The following TANK variants were observed in gnomAD, a reference collection of about 807,000 sequenced individuals.
TANK encodes TRAF family member associated NFKB activator, also known as TRAF family member-associated NF-kappa-B activator.
Under a neutral mutation model 43.6 loss-of-function variants are expected in TANK, and 15 were observed. That is an observed-to-expected ratio of 0.34 (90% confidence interval 0.23 to 0.53). TANK has a LOEUF of 0.53. TANK is among the 20% of genes least tolerant of loss of function. The pLI is 0.94. For synonymous variants in TANK, 162 were observed against 178.2 expected (o/e 0.91, Z 0.73); for missense variants, 417 against 498.6 (o/e 0.84, Z 1.56).
At chr2:161,209,959 G>A (rs1686806472) in intron 4 of TANK, among the ~76,000 whole-genome samples, 1 of 152,050 alleles carries the variant, frequency 6.6e-6, no homozygotes, top group Non-Finnish European at 1.5e-5. Context: ...GAGTTTATGT[G>A]TTCTCATGTC....
upstream of TANK, chr2:161,156,324 C>T: frequency 1.0e-6 from 1 of 985,388 alleles, no homozygotes; most frequent in Non-Finnish European, 1.2e-6. Flanking sequence ...TTTGCCATTG[C>T]ATGTTGTTCT....
chr2:161,170,935 A>G (rs1204712092), intron 1 of TANK, among the ~76,000 whole-genome samples: 9 of 152,244 alleles, frequency 5.9e-5, no homozygotes, highest in Non-Finnish European at 1.5e-5. Context: ...AGAAATTAGT[A>G]CATTTTACAC....
chr2:161,215,547 A>G (rs1210892510), intron 4 of TANK, among the ~76,000 whole-genome samples: 1 of 152,178 alleles, frequency 6.6e-6, no homozygotes, highest in East Asian at 1.9e-4. Context: ...CCCTAGGACT[A>G]TGAAGTGCTG....
intron 2 of TANK, among the ~76,000 whole-genome samples, chr2:161,194,488 C>A (rs933233743): frequency 6.6e-6 from 1 of 151,976 alleles, no homozygotes; most frequent in African/African-American, 2.4e-5. Context: ...ATTTGCTAAG[C>A]AAAGAGTCTT....
intron 7 of TANK, among the ~76,000 whole-genome samples, chr2:161,231,924 TATTC>T (rs773874285): frequency 2.6e-5 from 4 of 152,240 alleles, no homozygotes; most frequent in African/African-American, 4.8e-5. Context: ...GTGTATATCA[TATTC>T]ATCTTTATAA....
chr2:161,162,223 T>C (rs888336636), intron 1 of TANK, among the ~76,000 whole-genome samples: 21 of 152,144 alleles, frequency 1.4e-4, no homozygotes, highest in Non-Finnish European at 1.5e-4. Flanking sequence ...CAATCTGCTT[T>C]GATATTACGT....
intron 1 of TANK, among the ~76,000 whole-genome samples, chr2:161,176,285 A>G (rs1685170817): frequency 6.6e-6 from 1 of 152,198 alleles, no homozygotes; most frequent in Non-Finnish European, 1.5e-5. Context: ...CAGTTTAATT[A>G]GCTGAGTCCC....
intron 4 of TANK, among the ~76,000 whole-genome samples, chr2:161,218,042 A>C (rs1181776953): frequency 6.6e-6 from 1 of 152,178 alleles, no homozygotes; most frequent in East Asian, 1.9e-4. Context: ...AAATTTTGTC[A>C]AAGAAAATAC....
chr2:161,169,002 G>A (rs1432547565), intron 1 of TANK, among the ~76,000 whole-genome samples: 1 of 152,222 alleles, frequency 6.6e-6, no homozygotes, highest in African/African-American at 2.4e-5. Context: ...GTTATGCAAA[G>A]CCTCAAAAAA....
rs758062934 is a variant in TANK, at chr2:161,204,839, G to C, written c.327+46G>C. ...AAGCAGCATTTAAATGCTGATGCGT[G>C]ACATAGCTTCCTCATTTTATTTTTC... On this transcript the variant is annotated intron_variant, in intron 4 of 7. Coordinates refer to ENST00000392749, the MANE Select transcript of TANK (RefSeq NM_001199135.3). The C allele has an allele frequency of 3.2e-6, 5 of 1,586,766 alleles. No individual in the cohort carries two copies. The South Asian group carries it at 5.8e-5, about 18-fold the overall frequency.
chr2:161,203,456 A>C, intron 2 of TANK, 31 bp from the exon 3 acceptor site: 1 of 1,443,450 alleles, frequency 6.9e-7, no homozygotes, highest in Non-Finnish European at 9.7e-7. Flanking sequence ...CTATCAGTGA[A>C]TATCAGGCTA....
intron 1 of TANK, among the ~76,000 whole-genome samples, chr2:161,170,464 A>G (rs1388525791): frequency 2.6e-5 from 4 of 152,216 alleles, no homozygotes; most frequent in Non-Finnish European, 5.9e-5. Context: ...CTTCTTGTAG[A>G]ATAATTAAAA....
At chr2:161,185,502 T>A (rs1469033724) in intron 2 of TANK, among the ~76,000 whole-genome samples, 1 of 151,636 alleles carries the variant, frequency 6.6e-6, no homozygotes, top group Admixed American at 6.6e-5. Context: ...TTTTCTTTTT[T>A]TGGATGAATG....
chr2:161,233,301 G>A (rs1043975932), intron 7 of TANK, among the ~76,000 whole-genome samples: 8 of 152,160 alleles, frequency 5.3e-5, no homozygotes, highest in Non-Finnish European at 1.2e-4. Flanking sequence ...GGAAGCTGAG[G>A]TGGGAGGATT....
chr2:161,146,430 GT>G (rs921912345), intron 1 of TANK, among the ~76,000 whole-genome samples: 1 of 152,098 alleles, frequency 6.6e-6, no homozygotes, highest in African/African-American at 2.4e-5. Context: ...GAGTTTTTTT[GT>G]TCTTTCTCAT....
chr2:161,177,771 A>G lies in TANK; in HGVS notation c.-49-1843A>G, dbSNP rs188540349. On this transcript the variant is annotated intron_variant, in intron 1 of 7. Transcript: ENST00000392749. Reference sequence around the variant, plus strand: ...GAATGGGAGAAAATACTTACAAATCATATATTGGATAAGAGTCTAGTTTCT... The same window carrying G: ...GAATGGGAGAAAATACTTACAAATCGTATATTGGATAAGAGTCTAGTTTCT... 8.5e-4 allele frequency among the ~76,000 whole-genome samples: 130 copies of G among 152,246 alleles called. 2 individuals carry two copies. The highest frequency in any genetic ancestry group is 2.9e-3 in the African/African-American group (119 of 41,570).
intron 6 of TANK, among the ~76,000 whole-genome samples, chr2:161,229,854 T>C (rs1206047173): frequency 3.3e-5 from 5 of 152,216 alleles, no homozygotes; most frequent in Admixed American, 3.3e-4. Flanking sequence ...ATTACCAACT[T>C]CAGTGCCTTC....
At chr2:161,232,094 T>A (rs1425148250) in intron 7 of TANK, among the ~76,000 whole-genome samples, 1 of 152,212 alleles carries the variant, frequency 6.6e-6, no homozygotes, top group Non-Finnish European at 1.5e-5. Flanking sequence ...AATCTGGAAA[T>A]GAACATGTAG....
chr2:161,143,234 G>C (rs1348292693), intron 1 of TANK, among the ~76,000 whole-genome samples: 1 of 152,054 alleles, frequency 6.6e-6, no homozygotes, highest in Non-Finnish European at 1.5e-5. Flanking sequence ...TGAGATTATG[G>C]GGTTTTCTAA....
Sources: gnomAD v4.1 joint callset for allele counts (sites outside exome capture counted in the v4.1 genomes callset) on GRCh38, gnomAD v4.1.1 for gene constraint, MANE v1.5 for transcripts, NCBI Gene and HGNC (gene_info 2026-07-23, HGNC 2026-07-21) for gene names.